The following EVC variants were observed in gnomAD, a reference collection of about 807,000 sequenced individuals.
EVC encodes EvC ciliary complex subunit 1, also known as evC complex member EVC.
Under a neutral mutation model 118.9 loss-of-function variants are expected in EVC, and 116 were observed. The ratio of observed to expected loss-of-function variants is 0.98; its 90% CI spans 0.84 to 1.14. The LOEUF (loss-of-function observed/expected upper bound fraction) is 1.14, where lower values mean the gene tolerates loss of function less well. EVC is among the 50% of genes most tolerant of loss of function. EVC has a pLI of 0.00. For synonymous variants in EVC, 619 were observed against 534.7 expected (o/e 1.16, Z -2.18); for missense variants, 1,401 against 1,246.4 (o/e 1.12, Z -1.87).
rs372954088 is a variant in EVC, at chr4:5,794,191, G to A, written c.1886+474G>A. Reference sequence around the variant, plus strand: ...TGCAATATGGTCTTTCCAATTTGCTGGAAAGTATTTTTTTCCTTCTTTCAT... The same window carrying A: ...TGCAATATGGTCTTTCCAATTTGCTAGAAAGTATTTTTTTCCTTCTTTCAT... On this transcript the variant is annotated intron_variant, in intron 13 of 20. Transcript: ENST00000264956. Among the ~76,000 whole-genome samples the A allele has an allele frequency of 6.2e-3, 857 of 137,586 alleles. 3 individuals are homozygous for A. Among genetic ancestry groups the A allele is most frequent in the African/African-American group, 0.021 (786 of 37,474 alleles). The allele number at this position is 137,586 out of a possible 152,430, so 90.3% of individuals were successfully genotyped here. A position where few individuals can be genotyped will look rare whatever the true frequency, so the allele number is the denominator to read the frequency against.
At chr4:5,791,917 C>T (rs1275979950) in intron 12 of EVC, among the ~76,000 whole-genome samples, 2 of 152,194 alleles carry the variant, frequency 1.3e-5, no homozygotes, top group African/African-American at 2.4e-5. Context: ...GCCTTTCTAA[C>T]CCCTCTACAC....
At position 5,797,056 on chromosome 4, in the gene EVC, C is replaced by G; in HGVS notation, c.1921C>G (p.Leu641Val). 1 of 1,613,384 alleles carries G rather than the reference C, an allele frequency of 6.2e-7. No homozygotes were observed. ...GTGTGTCCTGCAGGGGCATGACCTG[C>G]TGTTGCGCTCAGCCCTCCGGAGGCT... The part of the protein sequence containing the change: ...TRCVLQGHDL[L>V]LRSALRRLAL... The change falls in exon 14 of 21, where the codon CTG becomes GTG. Residue 641 changes from leucine to valine, a missense_variant. By Grantham distance (32) the Leu-to-Val change is conservative. Transcript: ENST00000264956.
chr4:5,781,010 G>T (rs996275442), intron 11 of EVC, among the ~76,000 whole-genome samples: 1 of 152,198 alleles, frequency 6.6e-6, no homozygotes, highest in African/African-American at 2.4e-5. Context: ...TGAGCTTAGA[G>T]TCCAGGGATT....
chr4:5,762,361 T>G (rs1732197366), intron 11 of EVC, among the ~76,000 whole-genome samples: 2 of 138,916 alleles, frequency 1.4e-5, no homozygotes, highest in Admixed American at 1.4e-4. Flanking sequence ...GCAATAAACA[T>G]ACGTGTGCAT....
Position 5,719,449 on chromosome 4 carries a change from T to G in EVC, c.300+76T>G. 1.1e-5 allele frequency: 17 copies of G among 1,606,828 alleles called. No individual in the cohort carries two copies. Among genetic ancestry groups the G allele is most frequent in the Middle Eastern group, 1.9e-4 (1 of 5,212 alleles). The stretch of plus-strand genomic sequence containing the variant: ...TATTCCCCCTGGAAGCCGGGTGTCA[T>G]GTAGACAAGCCTCTGACAGATATAG... On this transcript the variant is annotated intron_variant, in intron 2 of 20. Transcript: ENST00000264956. The surrounding 1 kb of genome is among the most constrained non-coding windows in gnomAD (Gnocchi z 4.7).
Position 5,755,690 on chromosome 4 carries a change from C to G in EVC, c.1465-574C>G, listed in dbSNP as rs980032678. ...CCAACAGGGAATTTTCTCCTGCAAC[C>G]CTTCCCTGAGAAGGGTCTGTTCCTC... On this transcript the variant is annotated intron_variant, in intron 10 of 20. Transcript: ENST00000264956. This position sits in a 1 kb window ranked among gnomAD's most constrained non-coding sequence, Gnocchi z 4.1. Among the ~76,000 whole-genome samples the G allele has an allele frequency of 9.2e-5, 14 of 152,156 alleles. No homozygotes were observed. The highest frequency in any genetic ancestry group is 3.1e-4 in the African/African-American group (13 of 41,444).
At position 5,754,932 on chromosome 4, in the gene EVC, C is replaced by T. The variant is rs192537618; in HGVS notation, c.1464+999C>T. Among the ~76,000 whole-genome samples, 187 of 152,132 alleles carry T rather than the reference C, an allele frequency of 1.2e-3. 3 individuals are homozygous for T. The highest frequency in any genetic ancestry group is 1.2e-4 in the Non-Finnish European group (8 of 67,980). On this transcript the variant is annotated intron_variant, in intron 10 of 20. Transcript: ENST00000264956. This position sits in a 1 kb window ranked among gnomAD's most constrained non-coding sequence, Gnocchi z 5.8. ...GGGTGGGTGGCACCATGTCTGGGTC[C>T]AGGCTCAGCCCAGAATAGAGGCCCA...
At position 5,765,030 on chromosome 4, in the gene EVC, G is replaced by C. The variant is rs1451919423; in HGVS notation, c.1563+8668G>C. Among the ~76,000 whole-genome samples, 3 of 118,280 alleles carry C rather than the reference G, an allele frequency of 2.5e-5. 1 individual carries two copies. The highest frequency in any genetic ancestry group is 5.5e-5 in the Non-Finnish European group (3 of 54,472). The allele number at this position is 118,280 out of a possible 152,430, so 77.6% of individuals were successfully genotyped here. A position where few individuals can be genotyped will look rare whatever the true frequency, so the allele number is the denominator to read the frequency against. On this transcript the variant is annotated intron_variant, in intron 11 of 20. Coordinates refer to ENST00000264956, the MANE Select transcript of EVC (RefSeq NM_153717.3). Reference sequence around the variant, plus strand: ...TTTTGGATCTTTCCTGCTTCCTCTTGTGGGCATTTAGTGCTATAAATTTCT... The same window carrying C: ...TTTTGGATCTTTCCTGCTTCCTCTTCTGGGCATTTAGTGCTATAAATTTCT...
chr4:5,791,603 A>C (rs530476622), intron 12 of EVC, among the ~76,000 whole-genome samples: 1 of 152,164 alleles, frequency 6.6e-6, no homozygotes, highest in Non-Finnish European at 1.5e-5. Context: ...TAAATATACA[A>C]CTTAAAAACT....
chr4:5,783,282 A>G (rs1034661327), intron 11 of EVC, among the ~76,000 whole-genome samples: 13 of 151,918 alleles, frequency 8.6e-5, no homozygotes, highest in Non-Finnish European at 1.9e-4. Flanking sequence ...CTGCATGCAT[A>G]TGTGTATGAG....
chr4:5,739,868 C>G (rs1456633391), intron 5 of EVC, among the ~76,000 whole-genome samples: 1 of 143,496 alleles, frequency 7.0e-6, no homozygotes, highest in South Asian at 2.2e-4. Context: ...GAGTTCGAGA[C>G]CAGCCTGGGC....
chr4:5,741,922 A>C, intron 6 of EVC, 108 bp downstream of exon 6: 1 of 597,564 alleles, frequency 1.7e-6, no homozygotes. Context: ...AGCTTATTAC[A>C]ATATATACTT....
intron 12 of EVC, among the ~76,000 whole-genome samples, chr4:5,786,968 C>T (rs1711771254): frequency 6.6e-6 from 1 of 151,912 alleles, no homozygotes; most frequent in African/African-American, 2.4e-5. Context: ...CTCTGTCATT[C>T]AGATGAATAT....
chr4:5,734,568 G>T (rs376382070), intron 5 of EVC, among the ~76,000 whole-genome samples: 11 of 152,098 alleles, frequency 7.2e-5, no homozygotes, highest in African/African-American at 2.7e-4. Flanking sequence ...GAGGTGAGAG[G>T]AACACTTGAG....
intron 11 of EVC, among the ~76,000 whole-genome samples, chr4:5,777,538 T>A (rs1218743718): frequency 1.3e-5 from 2 of 152,200 alleles, no homozygotes; most frequent in Non-Finnish European, 2.9e-5. Flanking sequence ...CCCCTCCAGA[T>A]GTGTCTTCTT....
At position 5,811,062 on chromosome 4, in the gene EVC, A is replaced by T; in HGVS notation, c.*25A>T. ...GTTTAAGACCAGTCGGTGGGACAAG[A>T]CCTGAAGCCCTGGGTCTGGGTGTGA... On this transcript the variant is annotated 3_prime_UTR_variant, in exon 21 of 21. Coordinates refer to ENST00000264956, the MANE Select transcript of EVC (RefSeq NM_153717.3). The T allele has an allele frequency of 6.3e-7, 1 of 1,587,232 alleles. No individual in the cohort carries two copies. The highest frequency in any genetic ancestry group is 8.6e-7 in the Non-Finnish European group (1 of 1,161,606).
rs866832939 is a variant in EVC at position 5,787,187 on chromosome 4, C to T, written c.1776+3423C>T. ...AGAATGGTGTTTCTCAAAATTTAAT[C>T]TGCTCTAATGCAGATTTCTGCTCTC... On this transcript the variant is annotated intron_variant, in intron 12 of 20. Transcript: ENST00000264956. Among the ~76,000 whole-genome samples the T allele has an allele frequency of 2.0e-5, 3 of 152,166 alleles. No individual in the cohort carries two copies. The South Asian group carries it at 6.2e-4, about 32-fold the overall frequency.
In EVC at chr4:5,729,785, T is replaced by C. The variant is rs116756781; in HGVS notation, c.384+395T>C. On this transcript the variant is annotated intron_variant, in intron 3 of 20. Transcript: ENST00000264956. ...GGGCCAGTGTTGTGTTAAGTATTTGTCATGCATCAGGCGTTTCAACTTGGT... is the reference window on the plus strand; with the variant it reads ...GGGCCAGTGTTGTGTTAAGTATTTGCCATGCATCAGGCGTTTCAACTTGGT... Among the ~76,000 whole-genome samples, 325 of 152,318 alleles carry C rather than the reference T, an allele frequency of 2.1e-3. 2 individuals carry two copies. Among genetic ancestry groups the C allele is most frequent in the African/African-American group, 7.1e-3 (296 of 41,564 alleles).
the EVC span, among the ~76,000 whole-genome samples, chr4:5,819,591 A>G: frequency 9.2e-5 from 14 of 152,234 alleles, no homozygotes; most frequent in Non-Finnish European, 1.0e-4. Context: ...GCACCCCGTC[A>G]GAGTCTGTCT....
Sources: gnomAD v4.1 joint callset for allele counts (sites outside exome capture counted in the v4.1 genomes callset) on GRCh38, gnomAD v4.1.1 for gene constraint, Gnocchi (gnomAD v3.1) non-coding constraint, MANE v1.5 for transcripts, NCBI Gene and HGNC (gene_info 2026-07-23, HGNC 2026-07-21) for gene names.